Variants in COL28A1 observed in about 807,000 individuals in gnomAD.
COL28A1 encodes the protein collagen type XXVIII alpha 1 chain.
COL28A1 carries 161 observed loss-of-function variants against 150.2 expected under a neutral mutation model. The observed-to-expected ratio is 1.07, with a 90% CI of 0.94 to 1.22. The LOEUF (loss-of-function observed/expected upper bound fraction) is 1.22. COL28A1 is among the 50% of genes most tolerant of loss of function. The pLI is 0.00. For missense variants in COL28A1, 1,617 were observed against 1,388.3 expected, an observed-to-expected ratio of 1.16 and a Z score of -2.62; for synonymous variants, 552 against 469.7, an observed-to-expected ratio of 1.18 and a Z score of -2.26.
At chr7:7,506,980 T>C in intron 10 of COL28A1, 137 bp downstream of exon 10, 2 of 579,008 alleles carry the variant, frequency 3.5e-6, no homozygotes, top group Non-Finnish European at 6.2e-6. Flanking sequence ...CTGGGTATCT[T>C]AAACAATATT....
chr7:7,540,953 C>A, the COL28A1 span, among the ~76,000 whole-genome samples: 1 of 151,992 alleles, frequency 6.6e-6, no homozygotes, highest in African/African-American at 2.4e-5. Flanking sequence ...TAGATATCAT[C>A]ATTTGCATGA....
At chr7:7,523,349 G>A (rs1183370744) in intron 4 of COL28A1, among the ~76,000 whole-genome samples, 2 of 151,664 alleles carry the variant, frequency 1.3e-5, no homozygotes, top group Non-Finnish European at 2.9e-5. Flanking sequence ...TAGTAGAGAC[G>A]GGGTTTCAGC....
the COL28A1 span, among the ~76,000 whole-genome samples, chr7:7,341,106 G>T: frequency 4.6e-5 from 7 of 152,104 alleles, no homozygotes; most frequent in African/African-American, 4.8e-5. Context: ...GCCACTTAAG[G>T]CCAGAACAGG....
rs917592149 is a variant in COL28A1, at chr7:7,526,224, G to C, written c.682-1975C>G. On this transcript the variant is annotated intron_variant, in intron 3 of 34. Coordinates refer to ENST00000399429, the MANE Select transcript of COL28A1 (RefSeq NM_001037763.3). ...CTAGACATACCACAGGGAAATTCTT[G>C]CACTTGCACATTTCAGCATTCATTG... is the stretch of plus-strand genomic sequence containing the variant. 1.2e-3 allele frequency among the ~76,000 whole-genome samples: 189 copies of C among 152,178 alleles called. 10 individuals carry two copies. The highest frequency in any genetic ancestry group is 1.0e-3 in the Admixed American group (16 of 15,278).
At chr7:7,349,529 TC>T in the COL28A1 span, among the ~76,000 whole-genome samples, 4 of 152,128 alleles carry the variant, frequency 2.6e-5, no homozygotes, top group East Asian at 5.8e-4. Context: ...ACAGTACTCT[TC>T]CTTCAGAATT....
At chr7:7,536,762 G>T (rs1314015545), upstream of COL28A1, among the ~76,000 whole-genome samples, 1 of 152,168 alleles carries the variant, frequency 6.6e-6, no homozygotes, top group Non-Finnish European at 1.5e-5. Flanking sequence ...TAATGTGTAT[G>T]AATTTCCTTA....
chr7:7,371,906 C>T (rs774742160), intron 32 of COL28A1, among the ~76,000 whole-genome samples: 1 of 151,944 alleles, frequency 6.6e-6, no homozygotes, highest in Non-Finnish European at 1.5e-5. Flanking sequence ...AATCTCGGCT[C>T]ACTGTAACCT....
intron 15 of COL28A1, among the ~76,000 whole-genome samples, chr7:7,472,384 G>A (rs1260465049): frequency 1.3e-5 from 2 of 151,782 alleles, no homozygotes; most frequent in Non-Finnish European, 2.9e-5. Flanking sequence ...CAGCAAACAA[G>A]CCGAGAATCA....
intron 25 of COL28A1, among the ~76,000 whole-genome samples, chr7:7,426,237 G>A: frequency 6.6e-6 from 1 of 152,158 alleles, no homozygotes. Context: ...TCAAAGTGAT[G>A]ATAGCAGCTG....
the COL28A1 span, among the ~76,000 whole-genome samples, chr7:7,344,461 CTACT>C: frequency 1.3e-5 from 2 of 151,950 alleles, no homozygotes; most frequent in African/African-American, 4.8e-5. Context: ...TTATCTCAAC[CTACT>C]TATAGTTAAG....
intron 10 of COL28A1, among the ~76,000 whole-genome samples, chr7:7,506,417 A>G (rs1780812908): frequency 6.6e-6 from 1 of 152,256 alleles, no homozygotes. Context: ...AACTGACGTT[A>G]GAGCTTCCAA....
chr7:7,537,514 G>A (rs1286876734), upstream of COL28A1, among the ~76,000 whole-genome samples: 1 of 152,176 alleles, frequency 6.6e-6, no homozygotes, highest in Non-Finnish European at 1.5e-5. Context: ...TTTCCAAGAT[G>A]GAGGCAGAGA....
intron 19 of COL28A1, 91 bp downstream of exon 19, chr7:7,444,327 C>T (rs1786073328): frequency 4.5e-6 from 7 of 1,557,772 alleles, no homozygotes; most frequent in Middle Eastern, 1.7e-4. Flanking sequence ...CTAAGTTTGT[C>T]CTGAATGGTT....
chr7:7,538,130 T>A (rs1219375680), upstream of COL28A1, among the ~76,000 whole-genome samples: 1 of 152,148 alleles, frequency 6.6e-6, no homozygotes, highest in Non-Finnish European at 1.5e-5. Context: ...AGCACTAAAT[T>A]AATTGGGAAG....
chr7:7,374,038 A>AAAAAAAAATATATATATAT, intron 31 of COL28A1, among the ~76,000 whole-genome samples: 4 of 113,658 alleles, frequency 3.5e-5, no homozygotes, highest in African/African-American at 1.5e-4. Flanking sequence ...AAAAAAAAAA[A>AAAAAAAAATATATATATAT]ATATATATAT....
the COL28A1 span, among the ~76,000 whole-genome samples, chr7:7,340,214 C>T: frequency 1.3e-5 from 2 of 151,918 alleles, no homozygotes; most frequent in East Asian, 1.9e-4. Context: ...CTACCATGCC[C>T]GGCCCATTAT....
At chr7:7,344,846 T>TC in the COL28A1 span, among the ~76,000 whole-genome samples, 2 of 152,134 alleles carry the variant, frequency 1.3e-5, no homozygotes, top group Non-Finnish European at 2.9e-5. Context: ...AACGCTTTTT[T>TC]CTGACAAACC....
intron 18 of COL28A1, among the ~76,000 whole-genome samples, chr7:7,446,274 GAC>G (rs1268780542): frequency 1.3e-5 from 2 of 151,878 alleles, no homozygotes; most frequent in Non-Finnish European, 2.9e-5. Flanking sequence ...AAAAATGAAA[GAC>G]ATAACTATAT....
the COL28A1 span, among the ~76,000 whole-genome samples, chr7:7,542,177 G>C: frequency 6.6e-6 from 1 of 152,066 alleles, no homozygotes; most frequent in South Asian, 2.1e-4. Flanking sequence ...GTGAAACCCC[G>C]TCTCTACTAA....
Sources: allele counts gnomAD v4.1 joint callset (sites outside exome capture counted in the v4.1 genomes callset), GRCh38; gene constraint gnomAD v4.1.1; transcripts MANE v1.5; gene names NCBI Gene and HGNC (gene_info 2026-07-23, HGNC 2026-07-21).